Variants in CNTN6 observed in about 807,000 individuals in gnomAD.
The protein encoded by CNTN6 is contactin 6, also known as contactin-6.
A neutral mutation model predicts 122.8 loss-of-function variants in CNTN6; 137 were observed. The ratio of observed to expected loss-of-function variants is 1.12; its 90% CI spans 0.97 to 1.29. The LOEUF (loss-of-function observed/expected upper bound fraction) is 1.29. Ranked by LOEUF, CNTN6 falls within the 50% of genes most tolerant of loss-of-function variation. CNTN6 has a pLI of 0.00. For missense variants in CNTN6, 1,634 were observed against 1,223.4 expected, an observed-to-expected ratio of 1.34 and a Z score of -5.01; for synonymous variants, 570 against 426.0, an observed-to-expected ratio of 1.34 and a Z score of -4.16.
intron 4 of CNTN6, among the ~76,000 whole-genome samples, chr3:1,277,051 T>C (rs1445793641): frequency 6.6e-6 from 1 of 152,202 alleles, no homozygotes; most frequent in Non-Finnish European, 1.5e-5. Flanking sequence ...TCATTTTTGC[T>C]TGCCATATTT....
intron 2 of CNTN6, among the ~76,000 whole-genome samples, chr3:1,206,623 C>T (rs1482730239): frequency 6.6e-6 from 1 of 152,126 alleles, no homozygotes; most frequent in Non-Finnish European, 1.5e-5. Flanking sequence ...TTTCTCTAGA[C>T]CCTTTTATGA....
Position 1,304,876 on chromosome 3 carries a change from C to T in CNTN6, c.761+6885C>T, listed in dbSNP as rs184886999. The stretch of plus-strand genomic sequence containing the variant: ...GGGTGCAGTGGCAGACACCTGTAAT[C>T]CCAGCTCGGGAGGCTGAGGCAGGAG... On this transcript the variant is annotated intron_variant, in intron 7 of 22. Transcript: ENST00000446702. 6.5e-4 allele frequency among the ~76,000 whole-genome samples: 98 copies of T among 151,298 alleles called. No individual in the cohort carries two copies. In the East Asian group the frequency reaches 0.015, roughly 23 times the overall value.
At chr3:1,156,255 A>G (rs2092959530) in intron 2 of CNTN6, among the ~76,000 whole-genome samples, 1 of 152,220 alleles carries the variant, frequency 6.6e-6, no homozygotes, top group Non-Finnish European at 1.5e-5. Context: ...TTCGAATGCT[A>G]TGTTCATTCT....
intron 20 of CNTN6, among the ~76,000 whole-genome samples, chr3:1,391,559 A>AG: frequency 7.1e-6 from 1 of 141,648 alleles, no homozygotes; most frequent in South Asian, 2.4e-4. Context: ...GGCCAGGGCA[A>AG]TTAGGCAGGA....
intron 1 of CNTN6, among the ~76,000 whole-genome samples, chr3:1,129,502 C>G (rs2092277058): frequency 6.6e-6 from 1 of 152,006 alleles, no homozygotes; most frequent in South Asian, 2.1e-4. Context: ...TGTTTTGTGA[C>G]CTACAGTAAA....
At chr3:1,240,958 A>G (rs1366291005) in intron 4 of CNTN6, among the ~76,000 whole-genome samples, 3 of 151,826 alleles carry the variant, frequency 2.0e-5, no homozygotes, top group Admixed American at 1.3e-4. Context: ...TCTGGTGGGC[A>G]TGGGTGGATC....
chr3:1,332,487 G>T (rs1377135343), intron 11 of CNTN6, among the ~76,000 whole-genome samples: 2 of 133,856 alleles, frequency 1.5e-5, no homozygotes, highest in Non-Finnish European at 3.2e-5. Context: ...AGAAAGAAAG[G>T]AAGGAAAAAA....
At chr3:1,156,016 CA>C (rs1299716101) in intron 2 of CNTN6, among the ~76,000 whole-genome samples, 1 of 152,206 alleles carries the variant, frequency 6.6e-6, no homozygotes, top group African/African-American at 2.4e-5. Flanking sequence ...TTTCCTTCAA[CA>C]AATATTGGAA....
intron 1 of CNTN6, among the ~76,000 whole-genome samples, chr3:1,135,138 T>G (rs2125114988): frequency 6.6e-6 from 1 of 152,308 alleles, no homozygotes; most frequent in East Asian, 1.9e-4. Context: ...CCAGGGCACT[T>G]AAGATACTGA....
intron 11 of CNTN6, among the ~76,000 whole-genome samples, chr3:1,340,914 G>A (rs763710358): frequency 6.6e-5 from 10 of 152,030 alleles, no homozygotes; most frequent in Non-Finnish European, 1.2e-4. Flanking sequence ...GAGGGAAGCC[G>A]AGAACCTTAA....
At chr3:1,363,071 A>T (rs1409365349) in intron 12 of CNTN6, among the ~76,000 whole-genome samples, 1 of 151,756 alleles carries the variant, frequency 6.6e-6, no homozygotes, top group Non-Finnish European at 1.5e-5. Flanking sequence ...CAAACAAACA[A>T]AACCTGAGAG....
intron 2 of CNTN6, among the ~76,000 whole-genome samples, chr3:1,206,884 A>T (rs2093965237): frequency 6.6e-6 from 1 of 152,068 alleles, no homozygotes; most frequent in African/African-American, 2.4e-5. Flanking sequence ...CTCTCATAGG[A>T]CACTCCTACA....
chr3:1,129,062 G>T (rs1433134788), intron 1 of CNTN6, among the ~76,000 whole-genome samples: 2 of 151,972 alleles, frequency 1.3e-5, no homozygotes, highest in South Asian at 2.1e-4. Context: ...TCAAGGAAGG[G>T]TGTTAGAATA....
At chr3:1,179,130 G>C (rs2093507636) in intron 2 of CNTN6, among the ~76,000 whole-genome samples, 2 of 152,040 alleles carry the variant, frequency 1.3e-5, no homozygotes, top group South Asian at 4.1e-4. Flanking sequence ...GAATGACAGG[G>C]GGAAGGTATC....
rs948722265 is a variant in CNTN6 at position 1,270,892 on chromosome 3, C to CTTTG, written c.359-7506_359-7503dup. 1.1e-3 allele frequency among the ~76,000 whole-genome samples: 154 copies of CTTTG among 140,760 alleles called. 1 individual carries two copies. Among genetic ancestry groups the CTTTG allele is most frequent in the African/African-American group, 4.1e-3 (146 of 35,726 alleles). 92.3% of individuals were successfully genotyped at this position (140,760 alleles called of 152,430 possible). On this transcript the variant is annotated intron_variant, in intron 4 of 22. Coordinates refer to ENST00000446702, the MANE Select transcript of CNTN6 (RefSeq NM_001289080.2). ...CACAATATTTGTTTCTTTACTTTGT[C>CTTTG]TTTGTTTGTTTGTTTGTTCTTGCTT...
intron 2 of CNTN6, among the ~76,000 whole-genome samples, chr3:1,188,279 C>G (rs1024925102): frequency 6.6e-6 from 1 of 152,148 alleles, no homozygotes; most frequent in African/African-American, 2.4e-5. Context: ...CTCCTCCTTT[C>G]CAGAATGAAC....
chr3:1,219,519 C>G (rs1481357728), intron 2 of CNTN6, among the ~76,000 whole-genome samples: 1 of 151,980 alleles, frequency 6.6e-6, no homozygotes, highest in Non-Finnish European at 1.5e-5. Context: ...CTTTATAGAC[C>G]CTTTTATTAT....
intron 12 of CNTN6, among the ~76,000 whole-genome samples, chr3:1,353,706 G>A (rs947735702): frequency 3.3e-5 from 5 of 151,418 alleles, no homozygotes; most frequent in East Asian, 1.9e-4. Context: ...GTTCATTAAC[G>A]GGAAAAAAAG....
chr3:1,253,795 T>G (rs1484175719), intron 4 of CNTN6, among the ~76,000 whole-genome samples: 1 of 152,164 alleles, frequency 6.6e-6, no homozygotes, highest in Non-Finnish European at 1.5e-5. Flanking sequence ...CCTCACCTCC[T>G]GCTGTGCAGT....
Sources: allele counts gnomAD v4.1 joint callset (sites outside exome capture counted in the v4.1 genomes callset), GRCh38; gene constraint gnomAD v4.1.1; transcripts MANE v1.5; gene names NCBI Gene and HGNC (gene_info 2026-07-23, HGNC 2026-07-21).